Variants in DLG2 observed in about 807,000 individuals in gnomAD.
DLG2 encodes the protein discs large MAGUK scaffold protein 2.
DLG2 carries 45 observed loss-of-function variants against 132.5 expected under a neutral mutation model. The observed-to-expected ratio is 0.34, with a 90% CI of 0.27 to 0.44. The LOEUF (loss-of-function observed/expected upper bound fraction) is 0.44. Among genes scored for constraint, DLG2 ranks in the 20% least tolerant of loss-of-function variants. The pLI is 1.00. For synonymous variants in DLG2, 424 were observed against 419.6 expected (o/e 1.01, Z -0.13); for missense variants, 1,045 against 1,196.9 (o/e 0.87, Z 1.87).
intron 6 of DLG2, among the ~76,000 whole-genome samples, chr11:85,055,593 T>C (rs2154156117): frequency 6.6e-6 from 1 of 152,296 alleles, no homozygotes; most frequent in South Asian, 2.1e-4. Context: ...AAGGACTCTA[T>C]GACTTGATAA....
chr11:83,970,798 C>G (rs2091187372), intron 12 of DLG2, among the ~76,000 whole-genome samples: 1 of 152,142 alleles, frequency 6.6e-6, no homozygotes, highest in African/African-American at 2.4e-5. Context: ...AGCAGGATTT[C>G]TTGGTGAAAA....
chr11:85,177,498 C>G (rs1299424356), intron 4 of DLG2, among the ~76,000 whole-genome samples: 1 of 151,958 alleles, frequency 6.6e-6, no homozygotes, highest in East Asian at 1.9e-4. Context: ...TGCAGGGGAA[C>G]AACACACACT....
intron 18 of DLG2, among the ~76,000 whole-genome samples, chr11:83,633,857 T>C (rs1419713322): frequency 6.6e-6 from 1 of 151,976 alleles, no homozygotes; most frequent in African/African-American, 2.4e-5. Flanking sequence ...TGCAATAGTT[T>C]TGCAAAATGT....
Position 83,808,084 on chromosome 11 carries a change from C to T in DLG2, c.1723-21292G>A, listed in dbSNP as rs117350163. The stretch of plus-strand genomic sequence containing the variant: ...ATGCCTTCTAACAGCAGCCTCGTGC[C>T]GGTCATCACAATGGGCCACTTTGCT... On this transcript the variant is annotated intron_variant, in intron 17 of 27. Transcript: ENST00000376104. 2.9e-3 allele frequency among the ~76,000 whole-genome samples: 449 copies of T among 152,226 alleles called. 4 individuals are homozygous for T. Among genetic ancestry groups the T allele is most frequent in the Non-Finnish European group, 4.0e-3 (271 of 67,996 alleles).
intron 6 of DLG2, among the ~76,000 whole-genome samples, chr11:84,976,150 C>G (rs1408166324): frequency 6.6e-6 from 1 of 152,074 alleles, no homozygotes; most frequent in Admixed American, 6.6e-5. Context: ...CTTATGACTC[C>G]TTTCTACACT....
chr11:85,309,746 C>T (rs2080195191), intron 3 of DLG2, among the ~76,000 whole-genome samples: 1 of 152,104 alleles, frequency 6.6e-6, no homozygotes, highest in African/African-American at 2.4e-5. Flanking sequence ...ACTGTTCTCT[C>T]CACCTGAAAA....
intron 19 of DLG2, among the ~76,000 whole-genome samples, chr11:83,614,974 G>A (rs1019406206): frequency 6.6e-6 from 1 of 152,206 alleles, no homozygotes; most frequent in Non-Finnish European, 1.5e-5. Context: ...GATGGAGCTA[G>A]GGCAGATCAT....
rs1479755475 is a variant in DLG2 at position 84,738,318 on chromosome 11, C to A, written c.358-203587G>T. Among the ~76,000 whole-genome samples, 5 of 151,180 alleles carry A rather than the reference C, an allele frequency of 3.3e-5. No homozygotes were observed. The South Asian group carries it at 8.3e-4, about 25-fold the overall frequency. On this transcript the variant is annotated intron_variant, in intron 6 of 27. Transcript: ENST00000376104. ...CTGCTTAACGATGACATAATATATTCTTTTTCAGTAATGTATATACCCTCT... is the reference window on the plus strand; with the variant it reads ...CTGCTTAACGATGACATAATATATTATTTTTCAGTAATGTATATACCCTCT...
intron 4 of DLG2, among the ~76,000 whole-genome samples, chr11:85,257,739 T>C (rs2076741283): frequency 6.6e-6 from 1 of 152,206 alleles, no homozygotes; most frequent in Non-Finnish European, 1.5e-5. Context: ...AATGAATCTT[T>C]CAAAGCTTTG....
intron 6 of DLG2, among the ~76,000 whole-genome samples, chr11:84,769,070 C>T (rs1052730677): frequency 6.6e-6 from 1 of 152,090 alleles, no homozygotes; most frequent in Non-Finnish European, 1.5e-5. Context: ...AATTTTCTGA[C>T]ACTATGAAAA....
intron 7 of DLG2, among the ~76,000 whole-genome samples, chr11:84,334,885 C>T (rs2098476712): frequency 6.6e-6 from 1 of 152,014 alleles, no homozygotes; most frequent in Non-Finnish European, 1.5e-5. Context: ...GCTGAGAAAG[C>T]TGATGTCTAT....
intron 6 of DLG2, among the ~76,000 whole-genome samples, chr11:84,787,609 G>A (rs1440646782): frequency 6.6e-6 from 1 of 151,996 alleles, no homozygotes; most frequent in Non-Finnish European, 1.5e-5. Context: ...ACCTATATGT[G>A]TATTTCCTCT....
At chr11:85,585,209 C>A (rs962938696) in intron 3 of DLG2, among the ~76,000 whole-genome samples, 37 of 152,112 alleles carry the variant, frequency 2.4e-4, no homozygotes, top group Non-Finnish European at 4.1e-4. Flanking sequence ...CAGTTTCATT[C>A]TTCTACATGT....
At chr11:84,878,337 G>T (rs1213090002) in intron 6 of DLG2, among the ~76,000 whole-genome samples, 2 of 152,190 alleles carry the variant, frequency 1.3e-5, no homozygotes, top group Non-Finnish European at 2.9e-5. Context: ...ACTGGATAAA[G>T]AAAATGTGGC....
intron 3 of DLG2, among the ~76,000 whole-genome samples, chr11:85,427,385 G>C (rs1277423073): frequency 3.3e-5 from 5 of 152,218 alleles, no homozygotes; most frequent in Non-Finnish European, 5.9e-5. Context: ...AGAAAGGTCA[G>C]GTTACCCACA....
intron 4 of DLG2, among the ~76,000 whole-genome samples, chr11:85,202,039 TGAAA>T: frequency 6.9e-6 from 1 of 144,908 alleles, no homozygotes; most frequent in African/African-American, 2.5e-5. Context: ...ATGAAAAAAA[TGAAA>T]TAAAGAAAGC....
At chr11:84,971,820 A>T (rs2054139705) in intron 6 of DLG2, among the ~76,000 whole-genome samples, 1 of 152,154 alleles carries the variant, frequency 6.6e-6, no homozygotes, top group Admixed American at 6.6e-5. Flanking sequence ...TAAATTAAGG[A>T]AGTCAAAAAA....
chr11:84,095,090 A>G (rs1433310374), intron 10 of DLG2, among the ~76,000 whole-genome samples: 2 of 152,164 alleles, frequency 1.3e-5, no homozygotes, highest in East Asian at 3.9e-4. Context: ...AAAAATAGGG[A>G]CAGGAAACTT....
chr11:85,446,585 T>C (rs1001276841), intron 3 of DLG2, among the ~76,000 whole-genome samples: 6 of 152,202 alleles, frequency 3.9e-5, no homozygotes, highest in Non-Finnish European at 7.4e-5. Context: ...TCTTATTTAA[T>C]CCTTGCTACA....
Sources: gnomAD v4.1 joint callset for allele counts (sites outside exome capture counted in the v4.1 genomes callset) on GRCh38, gnomAD v4.1.1 for gene constraint, MANE v1.5 for transcripts, NCBI Gene and HGNC (gene_info 2026-07-23, HGNC 2026-07-21) for gene names.